DLGAP2: variants seen among roughly 807,000 people sequenced by gnomAD.
DLGAP2 encodes DLG associated protein 2, also known as disks large-associated protein 2.
DLGAP2 carries 26 observed loss-of-function variants against 100.3 expected under a neutral mutation model. That is an observed-to-expected ratio of 0.26 (90% CI 0.19 to 0.36). DLGAP2 has a LOEUF of 0.36. Ranked by LOEUF, DLGAP2 falls within the 10% of genes least tolerant of loss-of-function variation. The pLI is 1.00. For synonymous variants in DLGAP2, 886 were observed against 630.1 expected (o/e 1.41, Z -6.08); for missense variants, 1,858 against 1,453.2 (o/e 1.28, Z -4.53).
intron 3 of DLGAP2, among the ~76,000 whole-genome samples, chr8:1,431,432 G>A (rs114657855): frequency 5.3e-5 from 8 of 152,216 alleles, no homozygotes; most frequent in African/African-American, 1.7e-4. Context: ...GCTCAGTTCC[G>A]TTGGCTGACC....
At chr8:1,640,273 C>T (rs374489129) in intron 8 of DLGAP2, among the ~76,000 whole-genome samples, 1 of 152,078 alleles carries the variant, frequency 6.6e-6, no homozygotes, top group South Asian at 2.1e-4. Context: ...TCAGAGTTCA[C>T]CCTGGGAAGC....
chr8:1,160,100 A>G (rs1796861199), intron 2 of DLGAP2, among the ~76,000 whole-genome samples: 1 of 152,254 alleles, frequency 6.6e-6, no homozygotes, highest in Non-Finnish European at 1.5e-5. Context: ...ACAGCCCGGA[A>G]GCTGACGCCG....
At chr8:1,249,799 A>C (rs191952817) in intron 2 of DLGAP2, among the ~76,000 whole-genome samples, 2 of 152,316 alleles carry the variant, frequency 1.3e-5, no homozygotes, top group Admixed American at 1.3e-4. Context: ...CTCGGTGCAC[A>C]TCCGTTAGGC....
chr8:1,039,613 C>T, intron 2 of DLGAP2, among the ~76,000 whole-genome samples: 1 of 65,280 alleles, frequency 1.5e-5, no homozygotes, highest in East Asian at 4.5e-4. Flanking sequence ...TGTGCGTGGT[C>T]AGCTCGGTGT....
chr8:1,681,331 TA>T (rs61275138), intron 12 of DLGAP2, among the ~76,000 whole-genome samples: 1 of 151,062 alleles, frequency 6.6e-6, no homozygotes, highest in Non-Finnish European at 1.5e-5. Flanking sequence ...AGATATCTTT[TA>T]AAAAAAAATA....
chr8:1,339,945 G>A (rs1040764535), intron 3 of DLGAP2, among the ~76,000 whole-genome samples: 6 of 152,204 alleles, frequency 3.9e-5, no homozygotes, highest in African/African-American at 4.8e-5. Flanking sequence ...AGCTAGTATC[G>A]TGATCTTGCT....
At chr8:1,348,614 C>G (rs1480542880) in intron 3 of DLGAP2, among the ~76,000 whole-genome samples, 2 of 152,154 alleles carry the variant, frequency 1.3e-5, no homozygotes, top group African/African-American at 4.8e-5. Context: ...CTCATGGTAG[C>G]TGTGTGGAGG....
intron 7 of DLGAP2, among the ~76,000 whole-genome samples, chr8:1,628,488 C>G (rs549943009): frequency 6.9e-5 from 9 of 130,980 alleles, no homozygotes; most frequent in South Asian, 2.8e-4. Context: ...CTCACATTCT[C>G]TCTGACTTAC....
At position 1,703,040 on chromosome 8, in the gene DLGAP2, C is replaced by T. The variant is rs1424212789; in HGVS notation, c.*1634C>T. On this transcript the variant is annotated 3_prime_UTR_variant, in exon 15 of 15. Coordinates refer to ENST00000637795, the MANE Select transcript of DLGAP2 (RefSeq NM_001346810.2). ...CAGGGCGTTCGATGTGCGGTTGGCC[C>T]CCAGCGCGCCCTCCAGAGCTGCGGT... 6.5e-6 allele frequency: 1 copy of T among 152,730 alleles called. No homozygotes were observed. Among genetic ancestry groups the T allele is most frequent in the Non-Finnish European group, 1.5e-5 (1 of 68,102 alleles). The allele number at this position is 152,730 out of a possible 1,614,324, so 9.5% of individuals were successfully genotyped here.
intron 2 of DLGAP2, among the ~76,000 whole-genome samples, chr8:1,102,815 C>T (rs914959054): frequency 1.7e-4 from 25 of 151,434 alleles, no homozygotes; most frequent in Non-Finnish European, 1.0e-4. Context: ...GGGGAGGTGA[C>T]GGGGCAGAAA....
intron 3 of DLGAP2, among the ~76,000 whole-genome samples, chr8:1,490,319 G>A (rs945149563): frequency 2.6e-5 from 4 of 152,212 alleles, no homozygotes; most frequent in Admixed American, 6.5e-5. Flanking sequence ...CCTTACGTGC[G>A]GGGTTGAAAA....
rs527449036 is a variant in DLGAP2 at position 1,583,139 on chromosome 8, G to A, written c.1442+17245G>A. Among the ~76,000 whole-genome samples the A allele has an allele frequency of 4.6e-5, 7 of 152,240 alleles. No homozygotes were observed. In the South Asian group the frequency reaches 1.0e-3, roughly 23 times the overall value. On this transcript the variant is annotated intron_variant, in intron 6 of 14. Coordinates refer to ENST00000637795, the MANE Select transcript of DLGAP2 (RefSeq NM_001346810.2). ...TGAGAAATAAACTGTATTCTTGTAC[G>A]GGAAGAGAAGGGGCATACCTCAGCC...
At chr8:1,490,594 C>T (rs994095193) in intron 3 of DLGAP2, among the ~76,000 whole-genome samples, 1 of 152,148 alleles carries the variant, frequency 6.6e-6, no homozygotes, top group Admixed American at 6.5e-5. Flanking sequence ...GGGCCACAGT[C>T]GGCTCAGTAG....
chr8:1,043,886 G>C (rs993957635), intron 2 of DLGAP2, among the ~76,000 whole-genome samples: 1 of 152,098 alleles, frequency 6.6e-6, no homozygotes, highest in Non-Finnish European at 1.5e-5. Flanking sequence ...TCGCTGCTGG[G>C]CTCCAGGAAG....
intron 2 of DLGAP2, among the ~76,000 whole-genome samples, chr8:1,021,391 T>C (rs1281249348): frequency 6.6e-6 from 1 of 152,110 alleles, no homozygotes. Flanking sequence ...GCAGAAACCA[T>C]GAGGGTGGCG....
At chr8:1,452,239 C>T (rs1174440568) in intron 3 of DLGAP2, among the ~76,000 whole-genome samples, 5 of 150,804 alleles carry the variant, frequency 3.3e-5, no homozygotes, top group South Asian at 4.2e-4. Flanking sequence ...TCTGTGGCTG[C>T]GTGTTCTGTG....
At chr8:1,051,277 A>G (rs576248800) in intron 2 of DLGAP2, among the ~76,000 whole-genome samples, 3 of 152,056 alleles carry the variant, frequency 2.0e-5, no homozygotes, top group South Asian at 4.1e-4. Flanking sequence ...GGCTCTCTGG[A>G]TGGAGCATTT....
chr8:1,270,069 TC>T (rs779505966), intron 3 of DLGAP2, among the ~76,000 whole-genome samples: 2 of 152,176 alleles, frequency 1.3e-5, no homozygotes, highest in Non-Finnish European at 2.9e-5. Context: ...TTTTCCCATT[TC>T]CCTTGGGGTC....
At chr8:859,871 G>A (rs899679968) in intron 1 of DLGAP2, among the ~76,000 whole-genome samples, 4 of 152,246 alleles carry the variant, frequency 2.6e-5, no homozygotes, top group Middle Eastern at 6.8e-3. Flanking sequence ...AGACGTGGCT[G>A]GGTTTATAAA....
Sources: allele counts gnomAD v4.1 joint callset (sites outside exome capture counted in the v4.1 genomes callset), GRCh38; gene constraint gnomAD v4.1.1; transcripts MANE v1.5; gene names NCBI Gene and HGNC (gene_info 2026-07-23, HGNC 2026-07-21).